The following KCNIP4 variants were observed in gnomAD, a reference collection of about 807,000 sequenced individuals.
The protein encoded by KCNIP4 is potassium voltage-gated channel interacting protein 4, also known as Kv channel-interacting protein 4.
In KCNIP4, 12 loss-of-function variants were observed where a neutral mutation model predicts 34.0. That is an observed-to-expected ratio of 0.35 (90% CI 0.23 to 0.57). KCNIP4 has a LOEUF of 0.57. KCNIP4 is among the 20% of genes least tolerant of loss of function. The pLI is 0.83. For synonymous variants in KCNIP4, 124 were observed against 102.2 expected (o/e 1.21, Z -1.29); for missense variants, 238 against 311.7 (o/e 0.76, Z 1.78).
chr4:21,416,532 C>A (rs1724969078), intron 1 of KCNIP4, among the ~76,000 whole-genome samples: 1 of 152,128 alleles, frequency 6.6e-6, no homozygotes, highest in African/African-American at 2.4e-5. Flanking sequence ...ATTACTTTGT[C>A]TATTTTGGTC....
intron 1 of KCNIP4, among the ~76,000 whole-genome samples, chr4:21,622,081 G>A (rs532828819): frequency 4.6e-5 from 7 of 152,290 alleles, no homozygotes; most frequent in South Asian, 4.2e-4. Flanking sequence ...TTCATGCTGC[G>A]AAGTTATTGT....
At chr4:21,831,578 T>C (rs1722992329) in intron 1 of KCNIP4, among the ~76,000 whole-genome samples, 1 of 147,106 alleles carries the variant, frequency 6.8e-6, no homozygotes, top group Admixed American at 7.0e-5. Flanking sequence ...GCAGCATACA[T>C]GTCCCAAGAC....
intron 1 of KCNIP4, among the ~76,000 whole-genome samples, chr4:21,694,791 T>C (rs1712079841): frequency 6.6e-6 from 1 of 151,690 alleles, no homozygotes; most frequent in Non-Finnish European, 1.5e-5. Context: ...TCTATGTTTG[T>C]ATAAATGGCC....
At chr4:20,772,807 A>G (rs1756028863) in intron 3 of KCNIP4, among the ~76,000 whole-genome samples, 1 of 151,826 alleles carries the variant, frequency 6.6e-6, no homozygotes. Context: ...ACGCCCGGCT[A>G]ATTTTTTGTA....
intron 1 of KCNIP4, among the ~76,000 whole-genome samples, chr4:21,176,386 T>C (rs928211590): frequency 2.0e-5 from 3 of 152,164 alleles, no homozygotes; most frequent in African/African-American, 7.2e-5. Flanking sequence ...CAATCATGCA[T>C]GCTTAATAAA....
chr4:21,579,854 A>G lies in KCNIP4; in HGVS notation c.61+368717T>C, dbSNP rs189330150. Among the ~76,000 whole-genome samples, 222 of 152,260 alleles carry G rather than the reference A, an allele frequency of 1.5e-3. 1 individual carries two copies. The highest frequency in any genetic ancestry group is 6.8e-3 in the Middle Eastern group (2 of 294). On this transcript the variant is annotated intron_variant, in intron 1 of 8. Coordinates refer to ENST00000382152, the MANE Select transcript of KCNIP4 (RefSeq NM_025221.6). Reference sequence around the variant, plus strand: ...ATGTAGCAGAACAAGAATATATAACACAGTAAAAATTCCTTTTGAAGAGTA... The same window carrying G: ...ATGTAGCAGAACAAGAATATATAACGCAGTAAAAATTCCTTTTGAAGAGTA...
intron 1 of KCNIP4, among the ~76,000 whole-genome samples, chr4:21,802,514 C>CA (rs898281173): frequency 1.3e-5 from 2 of 151,752 alleles, no homozygotes; most frequent in Admixed American, 6.6e-5. Flanking sequence ...AAACAAAGGC[C>CA]AAAAAATAAT....
intron 1 of KCNIP4, among the ~76,000 whole-genome samples, chr4:21,396,446 C>G (rs1410063916): frequency 6.7e-6 from 1 of 148,588 alleles, no homozygotes; most frequent in African/African-American, 2.5e-5. Context: ...GTCCCAGCTG[C>G]TCAGGAGGCT....
chr4:21,787,313 G>C (rs576168758), intron 1 of KCNIP4, among the ~76,000 whole-genome samples: 1 of 152,202 alleles, frequency 6.6e-6, no homozygotes, highest in African/African-American at 2.4e-5. Context: ...AAACACTTTT[G>C]GTCCCAAGCA....
intron 3 of KCNIP4, among the ~76,000 whole-genome samples, chr4:20,849,228 C>T (rs548522289): frequency 2.0e-5 from 3 of 152,166 alleles, no homozygotes; most frequent in South Asian, 2.1e-4. Context: ...CCTATTGCCA[C>T]GAAGTCCTAG....
At chr4:21,462,765 T>G (rs1234440804) in intron 1 of KCNIP4, among the ~76,000 whole-genome samples, 1 of 145,672 alleles carries the variant, frequency 6.9e-6, no homozygotes, top group Non-Finnish European at 1.5e-5. Flanking sequence ...TAGTATTCCA[T>G]TGTGTGTGTG....
In KCNIP4 at chr4:20,729,836, TTGAATATTCACAGAGTA is replaced by T. The variant is rs1269604066; in HGVS notation, c.*229_*245del. The T allele has an allele frequency of 5.3e-6, 2 of 377,778 alleles. No individual in the cohort carries two copies. Among genetic ancestry groups the T allele is most frequent in the Non-Finnish European group, 9.4e-6 (2 of 212,456 alleles). 23.4% of individuals were successfully genotyped at this position (377,778 alleles called of 1,614,324 possible). A position where few individuals can be genotyped will look rare whatever the true frequency, so the allele number is the denominator to read the frequency against. On this transcript the variant is annotated 3_prime_UTR_variant, in exon 9 of 9. Coordinates refer to ENST00000382152, the MANE Select transcript of KCNIP4 (RefSeq NM_025221.6). ...AACTATATGCCAGATTCTATTACTT[TTGAATATTCACAGAGTA>T]TGAAATGAGTTAGACCATCCCCTGA...
At chr4:20,739,450 C>G (rs553988702) in intron 5 of KCNIP4, among the ~76,000 whole-genome samples, 1 of 152,298 alleles carries the variant, frequency 6.6e-6, no homozygotes, top group African/African-American at 2.4e-5. Context: ...ACCAGGCAAA[C>G]AGGGTCTGGA....
chr4:21,668,599 T>C (rs1749214085), intron 1 of KCNIP4, among the ~76,000 whole-genome samples: 2 of 152,110 alleles, frequency 1.3e-5, no homozygotes, highest in African/African-American at 4.8e-5. Flanking sequence ...TTACAAATAT[T>C]CTATTATTAT....
intron 1 of KCNIP4, among the ~76,000 whole-genome samples, chr4:21,699,227 G>A (rs1019961359): frequency 6.6e-6 from 1 of 152,204 alleles, no homozygotes; most frequent in Non-Finnish European, 1.5e-5. Context: ...AGTAAAATAA[G>A]ATAGGGAATG....
intron 1 of KCNIP4, among the ~76,000 whole-genome samples, chr4:21,373,258 G>C (rs1720658132): frequency 6.8e-6 from 1 of 146,650 alleles, no homozygotes; most frequent in South Asian, 2.1e-4. Context: ...GGGAGTTGAG[G>C]GTTGCAGTGA....
At chr4:21,119,407 C>G (rs1749952291) in intron 1 of KCNIP4, among the ~76,000 whole-genome samples, 1 of 147,826 alleles carries the variant, frequency 6.8e-6, no homozygotes, top group South Asian at 2.2e-4. Context: ...TCACTCAAAT[C>G]TAGAAAGTTG....
chr4:20,793,720 A>C (rs1560468850), intron 3 of KCNIP4, among the ~76,000 whole-genome samples: 1 of 152,008 alleles, frequency 6.6e-6, no homozygotes, highest in East Asian at 1.9e-4. Flanking sequence ...TACACAACTC[A>C]CCATAATGTA....
intron 1 of KCNIP4, among the ~76,000 whole-genome samples, chr4:21,664,613 A>G (rs1288829461): frequency 6.6e-6 from 1 of 152,088 alleles, no homozygotes; most frequent in Non-Finnish European, 1.5e-5. Flanking sequence ...ACCTCAGTTT[A>G]TCTTCTAGCT....
Sources: gnomAD v4.1 joint callset for allele counts (sites outside exome capture counted in the v4.1 genomes callset) on GRCh38, gnomAD v4.1.1 for gene constraint, MANE v1.5 for transcripts, NCBI Gene and HGNC (gene_info 2026-07-23, HGNC 2026-07-21) for gene names.